The following IGSF10 variants were observed in gnomAD, a reference collection of about 807,000 sequenced individuals.
The protein encoded by IGSF10 is calvaria mechanical force protein 608.
Under a neutral mutation model 128.2 loss-of-function variants are expected in IGSF10, and 126 were observed. The ratio of observed to expected loss-of-function variants is 0.98; its 90% CI spans 0.85 to 1.14. The LOEUF is 1.14. Ranked by LOEUF, IGSF10 falls within the 50% of genes most tolerant of loss-of-function variation. The probability of loss-of-function intolerance (pLI) is 0.00; values close to 1 mark genes in which losing one functional copy is unlikely to be tolerated. For synonymous variants in IGSF10, 1,185 were observed against 1,146.2 expected, an observed-to-expected ratio of 1.03 and a Z score of -0.68; for missense variants, 3,295 against 3,149.8, an observed-to-expected ratio of 1.05 and a Z score of -1.10.
chr3:151,571,000 C>T, the IGSF10 span, among the ~76,000 whole-genome samples: 1 of 152,102 alleles, frequency 6.6e-6, no homozygotes. Context: ...GAATCCTTTC[C>T]CCATTGCTTG....
chr3:151,617,306 TC>T, the IGSF10 span, among the ~76,000 whole-genome samples: 1 of 130,780 alleles, frequency 7.6e-6, no homozygotes, highest in East Asian at 2.3e-4. Context: ...TTCTTCTTCT[TC>T]TTCTTCTTCT....
chr3:151,587,669 A>G, the IGSF10 span, among the ~76,000 whole-genome samples: 4 of 152,168 alleles, frequency 2.6e-5, no homozygotes, highest in Admixed American at 6.5e-5. Flanking sequence ...CTGTGTCCCC[A>G]CCCAAATCTC....
the IGSF10 span, among the ~76,000 whole-genome samples, chr3:151,547,368 GTAAT>G: frequency 1.3e-5 from 2 of 151,382 alleles, no homozygotes; most frequent in South Asian, 2.1e-4. Flanking sequence ...CCTGAAGTTA[GTAAT>G]TAATCTTACT....
At chr3:151,581,055 G>C in the IGSF10 span, among the ~76,000 whole-genome samples, 5 of 151,762 alleles carry the variant, frequency 3.3e-5, no homozygotes, top group Admixed American at 6.6e-5. Context: ...AATCTTTCTT[G>C]TTTGGGGACA....
chr3:151,595,165 A>C, the IGSF10 span, among the ~76,000 whole-genome samples: 2 of 152,208 alleles, frequency 1.3e-5, no homozygotes, highest in Admixed American at 1.3e-4. Context: ...CACTGTTGGT[A>C]GGACTGTAAA....
the IGSF10 span, among the ~76,000 whole-genome samples, chr3:151,583,597 G>T: frequency 6.6e-6 from 1 of 152,044 alleles, no homozygotes; most frequent in Non-Finnish European, 1.5e-5. Flanking sequence ...GAGAGGGGAG[G>T]GATAGCATTA....
the IGSF10 span, among the ~76,000 whole-genome samples, chr3:151,573,286 T>A: frequency 6.6e-6 from 1 of 152,196 alleles, no homozygotes; most frequent in Non-Finnish European, 1.5e-5. Context: ...ATATCCGTGT[T>A]AACCTTCTGG....
At chr3:151,510,985 T>G in the IGSF10 span, among the ~76,000 whole-genome samples, 13 of 152,224 alleles carry the variant, frequency 8.5e-5, no homozygotes, top group Admixed American at 5.2e-4. Flanking sequence ...AATCTACGTC[T>G]AATTGGTGTA....
At chr3:151,619,690 C>T in the IGSF10 span, among the ~76,000 whole-genome samples, 884 of 152,150 alleles carry the variant, frequency 5.8e-3, 4 homozygotes, top group Non-Finnish European at 8.6e-3. Flanking sequence ...GAGGCTTGAT[C>T]CCCACTGCGG....
the IGSF10 span, among the ~76,000 whole-genome samples, chr3:151,466,981 G>A: frequency 2.0e-5 from 3 of 152,246 alleles, no homozygotes; most frequent in Admixed American, 1.3e-4. Flanking sequence ...TATTTGTGAG[G>A]CATATTGGAA....
At chr3:151,520,132 A>G in the IGSF10 span, among the ~76,000 whole-genome samples, 1 of 151,482 alleles carries the variant, frequency 6.6e-6, no homozygotes, top group African/African-American at 2.4e-5. Context: ...TACAAAACAC[A>G]CTCTGGTGTA....
chr3:151,567,889 C>A, the IGSF10 span, among the ~76,000 whole-genome samples: 1 of 152,214 alleles, frequency 6.6e-6, no homozygotes, highest in Admixed American at 6.5e-5. Context: ...GACTTCCCTG[C>A]ATTGCTGTGC....
In IGSF10 at chr3:151,438,086, C is replaced by G. The variant is rs1720531475; in HGVS notation, c.6475G>C (p.Ala2159Pro). 6.2e-7 allele frequency: 1 copy of G among 1,614,104 alleles called. No individual in the cohort carries two copies. Among genetic ancestry groups the G allele is most frequent in the African/African-American group, 1.3e-5 (1 of 74,940 alleles). Reference sequence around the variant, plus strand: ...CCAGTGACCTCACAGTCAAGGACAGCTGTGTCTCCAGCTTTGATTCTCTTG... The same window carrying G: ...CCAGTGACCTCACAGTCAAGGACAGGTGTGTCTCCAGCTTTGATTCTCTTG... ...TNKRIKAGDT[A>P]VLDCEVTGDP... The change falls in exon 8 of 8, where the codon GCT (alanine) becomes CCT (proline). Residue 2159 changes from alanine to proline, a missense_variant. Physicochemically the swap from Ala to Pro is conservative, Grantham distance 27 (BLOSUM62 -1). Coordinates refer to ENST00000282466, the MANE Select transcript of IGSF10 (RefSeq NM_178822.5).
Position 151,447,686 on chromosome 3 carries a change from C to T in IGSF10, c.2295G>A (p.Lys765=). The T allele has an allele frequency of 6.2e-7, 1 of 1,614,166 alleles. No individual in the cohort carries two copies. Among genetic ancestry groups the T allele is most frequent in the Non-Finnish European group, 8.5e-7 (1 of 1,180,042 alleles). The change falls in exon 6 of 8, where the codon AAG becomes AAA. Residue 765 remains lysine (K), a synonymous_variant. Coordinates refer to ENST00000282466, the MANE Select transcript of IGSF10 (RefSeq NM_178822.5). ...HWAALLEKAK[K]NAMPDKRENT... ...TTTCTCGCTTGTCTGGCATAGCATT[C>T]TTTTTAGCTTTCTCCAACAGTGCCG...
the IGSF10 span, among the ~76,000 whole-genome samples, chr3:151,508,223 T>G: frequency 6.6e-6 from 1 of 152,048 alleles, no homozygotes. Flanking sequence ...AGTTTCAAAT[T>G]GAAGGGGTAA....
the IGSF10 span, among the ~76,000 whole-genome samples, chr3:151,585,909 T>C: frequency 6.6e-6 from 1 of 152,114 alleles, no homozygotes; most frequent in Admixed American, 6.6e-5. Flanking sequence ...ACAAGCATTT[T>C]AGAGATTAAA....
chr3:151,512,321 C>A, the IGSF10 span, among the ~76,000 whole-genome samples: 3 of 152,224 alleles, frequency 2.0e-5, no homozygotes, highest in Admixed American at 6.5e-5. Flanking sequence ...CTCAAAACCG[C>A]TCAACTACAT....
In IGSF10 at chr3:151,445,577, G is replaced by A. The variant is rs189493096; in HGVS notation, c.4404C>T (p.Ser1468=). Residue 1468 remains serine (S), a synonymous_variant, in exon 6 of 8, where the codon AGC becomes AGT. Coordinates refer to ENST00000282466, the MANE Select transcript of IGSF10 (RefSeq NM_178822.5). ...RHSTIPPFLS[S]SATLMPVPIS... is the part of the protein sequence containing the mutation. ...TGGGAACTGGCATTAGAGTAGCACT[G>A]CTGCTCAAGAATGGTGGTATGGTTG... 6.2e-7 allele frequency: 1 copy of A among 1,614,162 alleles called. No individual in the cohort carries two copies. Among genetic ancestry groups the A allele is most frequent in the East Asian group, 2.2e-5 (1 of 44,884 alleles).
rs35070766 is a variant in IGSF10, at chr3:151,450,895, C to CAAAAAA, written c.716-1636_716-1631dup. Among the ~76,000 whole-genome samples the CAAAAAA allele has an allele frequency of 7.2e-3, 401 of 55,384 alleles. 12 individuals are homozygous for CAAAAAA. The highest frequency in any genetic ancestry group is 0.049 in the East Asian group (76 of 1,550). The allele number at this position is 55,384 out of a possible 152,430, so 36.3% of individuals were successfully genotyped here. A position where few individuals can be genotyped will look rare whatever the true frequency, so the allele number is the denominator to read the frequency against. On this transcript the variant is annotated intron_variant, in intron 5 of 7. Coordinates refer to ENST00000282466, the MANE Select transcript of IGSF10 (RefSeq NM_178822.5). Reference sequence around the variant, plus strand: ...GGGCAACAAGAGCAAAACTCTGTCTCAAAAAAAAAAAAAAAAAAAAAAAGA... The same window carrying CAAAAAA: ...GGGCAACAAGAGCAAAACTCTGTCTCAAAAAAAAAAAAAAAAAAAAAAAAAAAAAGA...
Sources: allele counts gnomAD v4.1 joint callset (sites outside exome capture counted in the v4.1 genomes callset), GRCh38; gene constraint gnomAD v4.1.1; transcripts MANE v1.5; gene names NCBI Gene and HGNC (gene_info 2026-07-23, HGNC 2026-07-21).